Variants in ROR2 observed in about 807,000 individuals in gnomAD.
The protein encoded by ROR2 is tyrosine-protein kinase transmembrane receptor ROR2.
A neutral mutation model predicts 74.9 loss-of-function variants in ROR2; 33 were observed. That is an observed-to-expected ratio of 0.44 (90% confidence interval 0.33 to 0.59). The LOEUF is 0.59. Among genes scored for constraint, ROR2 ranks in the 20% least tolerant of loss-of-function variants. ROR2 has a pLI of 0.02. For missense variants in ROR2, 1,216 were observed against 1,313.8 expected (o/e 0.93, Z 1.15); for synonymous variants, 586 against 558.7 (o/e 1.05, Z -0.69).
intron 1 of ROR2, among the ~76,000 whole-genome samples, chr9:91,776,780 A>T (rs191614838): frequency 1.8e-4 from 28 of 152,332 alleles, no homozygotes; most frequent in African/African-American, 6.7e-4. Context: ...GTTTAAATGT[A>T]GAGAGACCAC....
chr9:91,906,602 C>T (rs1830824267), intron 1 of ROR2, among the ~76,000 whole-genome samples: 1 of 152,158 alleles, frequency 6.6e-6, no homozygotes, highest in Non-Finnish European at 1.5e-5. Flanking sequence ...AAGAAAATCC[C>T]CTCGGTTTTG....
intron 4 of ROR2, among the ~76,000 whole-genome samples, chr9:91,748,730 C>T (rs981919122): frequency 6.6e-6 from 1 of 152,180 alleles, no homozygotes; most frequent in Non-Finnish European, 1.5e-5. Context: ...AATTATAAAA[C>T]TATATTGCAA....
intron 1 of ROR2, 76 bp downstream of exon 1, chr9:91,949,791 C>T (rs1832121926): frequency 3.2e-6 from 3 of 933,514 alleles, no homozygotes; most frequent in Admixed American, 4.0e-5. Context: ...CGGCCGGGAG[C>T]ATAGTGGCGG....
chr9:91,758,046 T>A (rs1208704243), intron 2 of ROR2, among the ~76,000 whole-genome samples: 5 of 151,958 alleles, frequency 3.3e-5, no homozygotes. Context: ...AACAATAAAA[T>A]CACCAACAAA....
chr9:91,890,626 T>C (rs1181452968), intron 1 of ROR2, among the ~76,000 whole-genome samples: 1 of 152,212 alleles, frequency 6.6e-6, no homozygotes, highest in African/African-American at 2.4e-5. Flanking sequence ...TCCTTAAGTT[T>C]CAATAGTTGT....
intron 1 of ROR2, among the ~76,000 whole-genome samples, chr9:91,916,345 C>CT (rs11464558): frequency 0.33 from 50,085 of 152,064 alleles, 8,638 homozygotes; most frequent in Admixed American, 0.48. Context: ...GCTCCCCTGA[C>CT]TTTATATTGG....
intron 4 of ROR2, among the ~76,000 whole-genome samples, chr9:91,752,938 G>C (rs1298982500): frequency 6.6e-6 from 1 of 152,190 alleles, no homozygotes; most frequent in Admixed American, 6.5e-5. Flanking sequence ...CATCTAGCTG[G>C]TGAGTATACA....
intron 1 of ROR2, among the ~76,000 whole-genome samples, chr9:91,803,788 G>C (rs1184774089): frequency 6.6e-6 from 1 of 152,206 alleles, no homozygotes; most frequent in East Asian, 1.9e-4. Flanking sequence ...ATGTGGCCTT[G>C]TGCATAAAAC....
At chr9:91,784,972 G>GATGAATGA (rs143159791) in intron 1 of ROR2, among the ~76,000 whole-genome samples, 1 of 152,146 alleles carries the variant, frequency 6.6e-6, no homozygotes, top group Non-Finnish European at 1.5e-5. Flanking sequence ...TCATTAGGTG[G>GATGAATGA]ATGAATGAAT....
At chr9:91,726,481 C>T (rs367676028) in intron 8 of ROR2, 60 bp downstream of exon 8, 4 of 1,457,232 alleles carry the variant, frequency 2.7e-6, no homozygotes, top group Non-Finnish European at 1.9e-6. Flanking sequence ...TTGGGGGAAA[C>T]AACCCCTGAG....
intron 1 of ROR2, among the ~76,000 whole-genome samples, chr9:91,925,092 C>T (rs912928037): frequency 6.6e-6 from 1 of 152,064 alleles, no homozygotes; most frequent in Non-Finnish European, 1.5e-5. Context: ...GCTCAGTAAT[C>T]CTCCCATCTT....
At chr9:91,836,278 G>A (rs759342551) in intron 1 of ROR2, among the ~76,000 whole-genome samples, 30 of 152,236 alleles carry the variant, frequency 2.0e-4, no homozygotes, top group Middle Eastern at 6.8e-3. Flanking sequence ...CATGGTTCAC[G>A]CCTGTAATCC....
intron 1 of ROR2, among the ~76,000 whole-genome samples, chr9:91,823,524 G>A (rs1052803789): frequency 6.6e-6 from 1 of 151,144 alleles, no homozygotes; most frequent in African/African-American, 2.4e-5. Flanking sequence ...CTGACCTCAT[G>A]ATCCACCTGC....
In ROR2 at chr9:91,731,017, C is replaced by T. The variant is rs778881346; in HGVS notation, c.1076G>A (p.Gly359Glu). The change falls in exon 7 of 9, where the codon GGA (glycine) becomes GAA (glutamate). Residue 359 changes from glycine (G) to glutamate (E), a missense_variant. Gly to Glu is a moderately conservative substitution (Grantham distance 98). Transcript: ENST00000375708. ...HLSSTDFPEL[G>E]GGHAYCRNPG... ...GTTCCGGCAGTAGGCGTGCCCCCCT[C>T]CAAGCTCAGGGAAGTCTGTGCTGGA... The T allele has an allele frequency of 6.2e-7, 1 of 1,614,208 alleles. No homozygotes were observed. The highest frequency in any genetic ancestry group is 2.2e-5 in the East Asian group (1 of 44,882).
intron 8 of ROR2, 24 bp downstream of exon 8, chr9:91,726,517 G>A (rs1220225070): frequency 3.7e-6 from 6 of 1,607,416 alleles, no homozygotes; most frequent in Non-Finnish European, 5.1e-6. Context: ...AGCCACCCGG[G>A]TAGAAAATGT....
At position 91,905,468 on chromosome 9, in the gene ROR2, CACA is replaced by C. The variant is rs1401747511; in HGVS notation, c.97+44396_97+44398del. ...AACCCAACACACAACACATACCACA[CACA>C]ACAAAGACACAACACATACCACATA... On this transcript the variant is annotated intron_variant, in intron 1 of 8. Transcript: ENST00000375708. The surrounding 1 kb of genome is among the most constrained non-coding windows in gnomAD (Gnocchi z 5.3). Among the ~76,000 whole-genome samples, 8 of 152,028 alleles carry C rather than the reference CACA, an allele frequency of 5.3e-5. No homozygotes were observed. The East Asian group carries it at 1.5e-3, about 29-fold the overall frequency.
chr9:91,924,205 T>A (rs534879645), intron 1 of ROR2, among the ~76,000 whole-genome samples: 2 of 152,372 alleles, frequency 1.3e-5, no homozygotes, highest in East Asian at 3.9e-4. Context: ...TGATCCCTCC[T>A]GCTGCCCAGC....
At chr9:91,826,740 C>T (rs544998366) in intron 1 of ROR2, among the ~76,000 whole-genome samples, 2 of 150,284 alleles carry the variant, frequency 1.3e-5, no homozygotes, top group African/African-American at 2.4e-5. Flanking sequence ...GCTGAGATCG[C>T]GCCACTGCAC....
intron 1 of ROR2, among the ~76,000 whole-genome samples, chr9:91,826,238 A>G (rs1828286991): frequency 6.6e-6 from 1 of 152,230 alleles, no homozygotes; most frequent in Non-Finnish European, 1.5e-5. Flanking sequence ...TATGGAGCAT[A>G]GAACATGGTG....
Sources: gnomAD v4.1 joint callset for allele counts (sites outside exome capture counted in the v4.1 genomes callset) on GRCh38, gnomAD v4.1.1 for gene constraint, Gnocchi (gnomAD v3.1) non-coding constraint, MANE v1.5 for transcripts, NCBI Gene and HGNC (gene_info 2026-07-23, HGNC 2026-07-21) for gene names.